USF3: variants seen among roughly 807,000 people sequenced by gnomAD.
USF3 encodes the protein basic helix-loop-helix domain-containing protein USF3.
USF3 carries 29 observed loss-of-function variants against 157.5 expected under a neutral mutation model. The observed-to-expected ratio is 0.18, with a 90% CI of 0.14 to 0.25. USF3 has a LOEUF of 0.25. Among genes scored for constraint, USF3 ranks in the 10% least tolerant of loss-of-function variants. USF3 has a pLI of 1.00. For missense variants in USF3, 2,381 were observed against 2,667.6 expected, an observed-to-expected ratio of 0.89 and a Z score of 2.37; for synonymous variants, 893 against 941.4, an observed-to-expected ratio of 0.95 and a Z score of 0.94.
intron 1 of USF3, among the ~76,000 whole-genome samples, chr3:113,685,838 G>A (rs1225396679): frequency 1.3e-5 from 2 of 152,184 alleles, no homozygotes; most frequent in East Asian, 1.9e-4. Flanking sequence ...ATGTCATCCA[G>A]AAGCTATGGT....
chr3:113,684,639 T>C (rs572362234), intron 1 of USF3, among the ~76,000 whole-genome samples: 2 of 152,336 alleles, frequency 1.3e-5, no homozygotes, highest in South Asian at 4.1e-4. Flanking sequence ...GAGAGACTGA[T>C]GCATTCTTTA....
intron 1 of USF3, among the ~76,000 whole-genome samples, chr3:113,679,878 A>G (rs929607260): frequency 5.3e-5 from 8 of 151,940 alleles, no homozygotes; most frequent in Non-Finnish European, 1.0e-4. Flanking sequence ...TTCATCTAGT[A>G]GTTTGTTCAT....
In USF3 at chr3:113,658,527, A is replaced by T; in HGVS notation, c.3155T>A (p.Leu1052Ter). 1 of 1,614,140 alleles carries T rather than the reference A, an allele frequency of 6.2e-7. No individual in the cohort carries two copies. Among genetic ancestry groups the T allele is most frequent in the Non-Finnish European group, 8.5e-7 (1 of 1,179,990 alleles). Residue 1052 changes from leucine (L) to a stop codon, truncating the protein, a stop_gained, in exon 7 of 7, where the codon TTA becomes TAA. Transcript: ENST00000316407. LOFTEE classifies it high-confidence loss of function. ...SVNLHPKQEL[L>*]LMNNDDRDPP... Reference sequence around the variant, plus strand: ...ATCTCTATCATCATTGTTCATCAGTAATAGTTCCTGTTTGGGATGTAAATT... The same window carrying T: ...ATCTCTATCATCATTGTTCATCAGTTATAGTTCCTGTTTGGGATGTAAATT...
rs1266464109 is a variant in USF3, at chr3:113,652,108, A to AGAGAGTGTGTGTGTGTGTGTGT, written c.*2835_*2836insACACACACACACACACACTCTC. On this transcript the variant is annotated 3_prime_UTR_variant, in exon 7 of 7. Transcript: ENST00000316407. ...TGGAGAGAGAGAGAGAGAGAGAGAGAGTGTGTGTGTGTGTGTGTGTGTGTG... is the reference window on the plus strand; with the variant it reads ...TGGAGAGAGAGAGAGAGAGAGAGAGAGAGAGTGTGTGTGTGTGTGTGTGTGTGTGTGTGTGTGTGTGTGTGTG... 1 of 141,976 alleles carries AGAGAGTGTGTGTGTGTGTGTGT rather than the reference A, an allele frequency of 7.0e-6. No individual in the cohort carries two copies. The highest frequency in any genetic ancestry group is 2.6e-5 in the African/African-American group (1 of 38,274). 8.8% of individuals were successfully genotyped at this position (141,976 alleles called of 1,614,324 possible).
At chr3:113,688,505 T>C (rs1458298801) in intron 1 of USF3, among the ~76,000 whole-genome samples, 1 of 152,234 alleles carries the variant, frequency 6.6e-6, no homozygotes, top group East Asian at 1.9e-4. Flanking sequence ...AACTGAATAC[T>C]CATCAGAATT....
In USF3 at chr3:113,696,365, C is replaced by T. The variant is rs1323754394; in HGVS notation, c.-135+5G>A. ...TGTCAGCGGCCCCCTCCCGCAGTCACTTACCCGCCGGCTGCGCGGTCTCGG... is the reference window on the plus strand; with the variant it reads ...TGTCAGCGGCCCCCTCCCGCAGTCATTTACCCGCCGGCTGCGCGGTCTCGG... On this transcript the variant is annotated splice_donor_5th_base_variant and intron_variant, in intron 1 of 6. Transcript: ENST00000316407. 6.6e-6 allele frequency: 1 copy of T among 150,820 alleles called. No homozygotes were observed. The highest frequency in any genetic ancestry group is 2.4e-5 in the African/African-American group (1 of 41,036). The allele number at this position is 150,820 out of a possible 1,614,324, so 9.3% of individuals were successfully genotyped here.
intron 1 of USF3, among the ~76,000 whole-genome samples, chr3:113,690,469 G>A (rs1307570163): frequency 6.6e-6 from 1 of 152,018 alleles, no homozygotes; most frequent in African/African-American, 2.4e-5. Flanking sequence ...CCAGGTCTTG[G>A]CATTCATGAC....
chr3:113,649,633 T>C lies in USF3; in HGVS notation c.*5311A>G, dbSNP rs2107906636. ...ATTACACAGCGTGTACCATCCCAGCTGGCCCTTTGCTATAACAGAGGAGTG... is the reference window on the plus strand; with the variant it reads ...ATTACACAGCGTGTACCATCCCAGCCGGCCCTTTGCTATAACAGAGGAGTG... On this transcript the variant is annotated 3_prime_UTR_variant, in exon 7 of 7. Coordinates refer to ENST00000316407, the MANE Select transcript of USF3 (RefSeq NM_001009899.4). 2 of 509,798 alleles carry C rather than the reference T, an allele frequency of 3.9e-6. No individual in the cohort carries two copies. Among genetic ancestry groups the C allele is most frequent in the Non-Finnish European group, 6.9e-6 (2 of 290,728 alleles). The allele number at this position is 509,798 out of a possible 1,614,324, so 31.6% of individuals were successfully genotyped here.
chr3:113,664,258 CAAACACCT>C, intron 6 of USF3, 47 bp downstream of exon 6: 1 of 1,171,860 alleles, frequency 8.5e-7, no homozygotes, highest in Middle Eastern at 2.8e-4. Context: ...CACTGTGACA[CAAACACCT>C]AAACATTTTA....
rs1216076279 is a variant in USF3 at position 113,658,990 on chromosome 3, T to C, written c.2692A>G (p.Thr898Ala). The C allele has an allele frequency of 6.2e-7, 1 of 1,614,174 alleles. No individual in the cohort carries two copies. Among genetic ancestry groups the C allele is most frequent in the Admixed American group, 1.7e-5 (1 of 60,026 alleles). ...GCGGCCATTGCAAAATGTTCACTTG[T>C]TACAGATTCTTGGGAGGGTGGGCTG... ...KSSPPSQESVTSEHFAMAAAK... is the reference protein window; with the variant it reads ...KSSPPSQESVASEHFAMAAAK... Residue 898 changes from threonine to alanine, a missense_variant, in exon 7 of 7, where the codon ACA becomes GCA. Physicochemically the swap from Thr to Ala is moderately conservative, Grantham distance 58. Transcript: ENST00000316407.
In USF3 at chr3:113,652,141, ATATGTG is replaced by A. The variant is rs886932632; in HGVS notation, c.*2797_*2802del. ...TGTGTGTGTGTGTGTGTGTGTGTGT[ATATGTG>A]TATGAGAGACAGAGACAGAGGCAGT... On this transcript the variant is annotated 3_prime_UTR_variant, in exon 7 of 7. Transcript: ENST00000316407. 2.2e-5 allele frequency: 3 copies of A among 138,418 alleles called. No individual in the cohort carries two copies. Among genetic ancestry groups the A allele is most frequent in the Non-Finnish European group, 4.8e-5 (3 of 62,792 alleles). 8.6% of individuals were successfully genotyped at this position (138,418 alleles called of 1,614,324 possible).
At chr3:113,680,931 A>G (rs536863911) in intron 1 of USF3, among the ~76,000 whole-genome samples, 31 of 151,020 alleles carry the variant, frequency 2.1e-4, no homozygotes, top group African/African-American at 6.8e-4. Flanking sequence ...CTGCTTTTCT[A>G]GTTTCTTAAG....
intron 5 of USF3, among the ~76,000 whole-genome samples, chr3:113,667,601 C>T (rs534223757): frequency 6.6e-5 from 10 of 152,096 alleles, no homozygotes; most frequent in African/African-American, 2.4e-4. Flanking sequence ...TACATGGAGC[C>T]GGGCATTGTA....
At chr3:113,671,505 A>G (rs1707151938) in intron 4 of USF3, among the ~76,000 whole-genome samples, 1 of 152,166 alleles carries the variant, frequency 6.6e-6, no homozygotes, top group African/African-American at 2.4e-5. Context: ...TACAAATTTA[A>G]AAGGGGTCAA....
chr3:113,676,907 AG>A (rs1486434451), intron 2 of USF3, among the ~76,000 whole-genome samples: 1 of 152,228 alleles, frequency 6.6e-6, no homozygotes, highest in Non-Finnish European at 1.5e-5. Flanking sequence ...TGTTCCGAGC[AG>A]GGAATGAAAT....
intron 1 of USF3, among the ~76,000 whole-genome samples, chr3:113,686,850 T>C (rs1202762854): frequency 3.3e-5 from 5 of 152,218 alleles, no homozygotes; most frequent in Non-Finnish European, 7.3e-5. Context: ...ACCGAAGAAG[T>C]TGTGAAAAGA....
chr3:113,652,367 A>C lies in USF3; in HGVS notation c.*2577T>G, dbSNP rs917232637. On this transcript the variant is annotated 3_prime_UTR_variant, in exon 7 of 7. Coordinates refer to ENST00000316407, the MANE Select transcript of USF3 (RefSeq NM_001009899.4). ...TTTTCCTCAATAAAAAGTTTTGACTACTGTGTTTATCTGTTGTCTTGAGTA... is the reference window on the plus strand; with the variant it reads ...TTTTCCTCAATAAAAAGTTTTGACTCCTGTGTTTATCTGTTGTCTTGAGTA... The C allele has an allele frequency of 2.0e-5, 3 of 152,108 alleles. No homozygotes were observed. Among genetic ancestry groups the C allele is most frequent in the African/African-American group, 7.2e-5 (3 of 41,416 alleles). 9.4% of individuals were successfully genotyped at this position (152,108 alleles called of 1,614,324 possible).
At chr3:113,686,703 T>C (rs1160382477) in intron 1 of USF3, among the ~76,000 whole-genome samples, 4 of 152,248 alleles carry the variant, frequency 2.6e-5, no homozygotes, top group African/African-American at 7.2e-5. Context: ...TTGTGATCTA[T>C]ACATGACATC....
intron 4 of USF3, among the ~76,000 whole-genome samples, chr3:113,672,370 C>G (rs1357437651): frequency 1.3e-5 from 2 of 152,086 alleles, no homozygotes; most frequent in Admixed American, 1.3e-4. Flanking sequence ...AGGTGCTCCA[C>G]CTGCCTCGAC....
Sources: gnomAD v4.1 joint callset for allele counts (sites outside exome capture counted in the v4.1 genomes callset) on GRCh38, gnomAD v4.1.1 for gene constraint, MANE v1.5 for transcripts, NCBI Gene and HGNC (gene_info 2026-07-23, HGNC 2026-07-21) for gene names.